Variants in SPECC1L observed in about 807,000 individuals in gnomAD.
SPECC1L encodes cytospin-A.
SPECC1L carries 40 observed loss-of-function variants against 116.8 expected under a neutral mutation model. The ratio of observed to expected loss-of-function variants is 0.34; its 90% CI spans 0.27 to 0.45. SPECC1L has a LOEUF of 0.45. SPECC1L is among the 20% of genes least tolerant of loss of function. SPECC1L has a pLI of 1.00. For synonymous variants in SPECC1L, 504 were observed against 500.6 expected, an observed-to-expected ratio of 1.01 and a Z score of -0.09; for missense variants, 1,110 against 1,373.6, an observed-to-expected ratio of 0.81 and a Z score of 3.03.
chr22:24,342,243 A>G (rs1315379494), intron 10 of SPECC1L, among the ~76,000 whole-genome samples: 4 of 152,270 alleles, frequency 2.6e-5, no homozygotes, highest in Non-Finnish European at 4.4e-5. Context: ...AACCAGGGGA[A>G]AAATCAGTCA....
chr22:24,279,808 C>T (rs2048907817), intron 2 of SPECC1L, among the ~76,000 whole-genome samples: 1 of 152,028 alleles, frequency 6.6e-6, no homozygotes, highest in South Asian at 2.1e-4. Flanking sequence ...GGTCTTCTGA[C>T]CTCAAGTGAT....
chr22:24,289,091 C>G (rs1414710732), intron 2 of SPECC1L, among the ~76,000 whole-genome samples: 1 of 152,136 alleles, frequency 6.6e-6, no homozygotes, highest in East Asian at 1.9e-4. Flanking sequence ...TTTATCGATA[C>G]CAAATTGTGC....
At chr22:24,370,924 G>A (rs1464134829) in intron 14 of SPECC1L, among the ~76,000 whole-genome samples, 1 of 151,066 alleles carries the variant, frequency 6.6e-6, no homozygotes, top group Non-Finnish European at 1.5e-5. Flanking sequence ...GGCTGGGGGA[G>A]GGAAAAAAGA....
At chr22:24,331,599 T>G (rs981178781) in intron 8 of SPECC1L, among the ~76,000 whole-genome samples, 2 of 152,214 alleles carry the variant, frequency 1.3e-5, no homozygotes, top group Non-Finnish European at 2.9e-5. Flanking sequence ...GGTAGCATCT[T>G]GTAGGACAGT....
chr22:24,278,482 C>T (rs1211496576), intron 2 of SPECC1L, among the ~76,000 whole-genome samples: 3 of 152,044 alleles, frequency 2.0e-5, no homozygotes, highest in Non-Finnish European at 4.4e-5. Flanking sequence ...TGTTTCATGG[C>T]TGCATAGTAA....
intron 11 of SPECC1L, among the ~76,000 whole-genome samples, chr22:24,353,397 C>T (rs1208681492): frequency 6.6e-6 from 1 of 152,036 alleles, no homozygotes; most frequent in African/African-American, 2.4e-5. Flanking sequence ...CTGATATTTT[C>T]TTCTGATTTA....
At chr22:24,285,523 C>G (rs1026429513) in intron 2 of SPECC1L, among the ~76,000 whole-genome samples, 1 of 152,156 alleles carries the variant, frequency 6.6e-6, no homozygotes, top group Non-Finnish European at 1.5e-5. Context: ...TATGTAAATT[C>G]ATGAATACAA....
intron 14 of SPECC1L, among the ~76,000 whole-genome samples, chr22:24,381,942 G>C (rs1413750822): frequency 6.6e-6 from 1 of 152,154 alleles, no homozygotes; most frequent in Non-Finnish European, 1.5e-5. Flanking sequence ...GTGTCAGGTA[G>C]TGTGCTGAGT....
rs35648769 is a variant in SPECC1L, at chr22:24,405,838, C to CAAAAA, written c.3088-5739_3088-5735dup. 4.7e-3 allele frequency among the ~76,000 whole-genome samples: 640 copies of CAAAAA among 136,492 alleles called. 5 individuals are homozygous for CAAAAA. The highest frequency in any genetic ancestry group is 0.015 in the African/African-American group (557 of 36,444). The allele number at this position is 136,492 out of a possible 152,430, so 89.5% of individuals were successfully genotyped here. A position where few individuals can be genotyped will look rare whatever the true frequency, so the allele number is the denominator to read the frequency against. The stretch of plus-strand genomic sequence containing the variant: ...TGGGCAACAGAGCGAGACTCTGCCT[C>CAAAAA]AAAAAAAAAAAAAAAGTACTTTACA... On this transcript the variant is annotated intron_variant, in intron 14 of 16. Coordinates refer to ENST00000314328, the MANE Select transcript of SPECC1L (RefSeq NM_015330.6).
In SPECC1L at chr22:24,405,622, C is replaced by T. The variant is rs181715966; in HGVS notation, c.3088-5966C>T. 9.7e-4 allele frequency among the ~76,000 whole-genome samples: 148 copies of T among 152,174 alleles called. 1 individual carries two copies. The highest frequency in any genetic ancestry group is 1.7e-3 in the Non-Finnish European group (116 of 68,004). ...TGGGAGGCTGAGGTGGACAGATCAC[C>T]TGAGGTCAGGAGTTCGAGACCAGCC... On this transcript the variant is annotated intron_variant, in intron 14 of 16. Transcript: ENST00000314328.
intron 2 of SPECC1L, among the ~76,000 whole-genome samples, chr22:24,292,462 T>C (rs1400300000): frequency 6.6e-6 from 1 of 152,204 alleles, no homozygotes; most frequent in Non-Finnish European, 1.5e-5. Context: ...TGTTATTTTT[T>C]ACAAGAACTC....
At chr22:24,383,846 T>G in intron 14 of SPECC1L, among the ~76,000 whole-genome samples, 1 of 130,936 alleles carries the variant, frequency 7.6e-6, no homozygotes, top group East Asian at 2.3e-4. Flanking sequence ...AGAGATGGGG[T>G]TTTGCCATGT....
intron 11 of SPECC1L, among the ~76,000 whole-genome samples, chr22:24,360,171 A>G (rs968363312): frequency 1.3e-5 from 2 of 152,232 alleles, no homozygotes; most frequent in Non-Finnish European, 1.5e-5. Flanking sequence ...GCTACACTCA[A>G]TTGTAATACA....
chr22:24,410,522 C>G (rs1429647244), intron 14 of SPECC1L, among the ~76,000 whole-genome samples: 1 of 152,234 alleles, frequency 6.6e-6, no homozygotes, highest in Non-Finnish European at 1.5e-5. Flanking sequence ...CTCCCCACAC[C>G]AGACACTAAA....
At chr22:24,327,150 C>T (rs1007287866) in intron 6 of SPECC1L, among the ~76,000 whole-genome samples, 9 of 151,688 alleles carry the variant, frequency 5.9e-5, no homozygotes, top group Admixed American at 3.3e-4. Flanking sequence ...TGGTGGCAGG[C>T]GCCTATAATC....
chr22:24,404,800 T>A (rs2042554261), intron 14 of SPECC1L, among the ~76,000 whole-genome samples: 1 of 152,118 alleles, frequency 6.6e-6, no homozygotes, highest in South Asian at 2.1e-4. Context: ...AAACCCCAGG[T>A]GAGGACTCGC....
chr22:24,365,403 C>T, intron 12 of SPECC1L, 73 bp from the exon 13 acceptor site: 2 of 1,452,298 alleles, frequency 1.4e-6, no homozygotes, highest in Middle Eastern at 1.8e-4. Context: ...TTGGAATCTT[C>T]AGAAAAAAAA....
At chr22:24,352,301 C>T (rs1320715683) in intron 11 of SPECC1L, among the ~76,000 whole-genome samples, 1 of 152,162 alleles carries the variant, frequency 6.6e-6, no homozygotes, top group Non-Finnish European at 1.5e-5. Context: ...CAGATGAGCT[C>T]CAGAATGTTA....
chr22:24,309,026 C>A (rs1476197593), intron 3 of SPECC1L, among the ~76,000 whole-genome samples: 1 of 152,108 alleles, frequency 6.6e-6, no homozygotes, highest in Non-Finnish European at 1.5e-5. Flanking sequence ...TGTACCTTTT[C>A]GGTCCCAGCC....
Sources: gnomAD v4.1 joint callset for allele counts (sites outside exome capture counted in the v4.1 genomes callset) on GRCh38, gnomAD v4.1.1 for gene constraint, MANE v1.5 for transcripts, NCBI Gene and HGNC (gene_info 2026-07-23, HGNC 2026-07-21) for gene names.